Variants in CEP112 observed in about 807,000 individuals in gnomAD.
CEP112 encodes the protein centrosomal protein of 112 kDa.
Under a neutral mutation model 153.0 loss-of-function variants are expected in CEP112, and 127 were observed. The observed-to-expected ratio is 0.83, with a 90% CI of 0.72 to 0.96. The LOEUF is 0.96. Ranked by LOEUF, CEP112 falls within the 40% of genes least tolerant of loss-of-function variation. The probability of loss-of-function intolerance (pLI) is 0.00; values close to 1 mark genes in which losing one functional copy is unlikely to be tolerated. For missense variants in CEP112, 1,089 were observed against 1,101.2 expected (o/e 0.99, Z 0.16); for synonymous variants, 358 against 374.4 (o/e 0.96, Z 0.51).
intron 24 of CEP112, among the ~76,000 whole-genome samples, chr17:65,660,439 TTCTC>T (rs1225646860): frequency 7.3e-5 from 8 of 109,584 alleles, no homozygotes; most frequent in East Asian, 3.3e-4. Flanking sequence ...CTTTCTTTCT[TTCTC>T]TCTCTCTCTT....
intron 16 of CEP112, 133 bp downstream of exon 16, chr17:66,027,368 C>A (rs1046674941): frequency 1.2e-6 from 1 of 838,286 alleles, no homozygotes; most frequent in Non-Finnish European, 1.6e-6. Flanking sequence ...CAGAGCAAGA[C>A]TCTGTCTAAA....
intron 1 of CEP112, 71 bp from the exon 2 acceptor site, chr17:66,183,378 T>C: frequency 7.5e-6 from 8 of 1,061,426 alleles, no homozygotes; most frequent in East Asian, 2.5e-5. Flanking sequence ...ATGAGAAAGA[T>C]AAAAAAAACT....
intron 4 of CEP112, among the ~76,000 whole-genome samples, chr17:66,133,020 C>T (rs2070264881): frequency 6.6e-6 from 1 of 150,576 alleles, no homozygotes; most frequent in Non-Finnish European, 1.5e-5. Context: ...GCCTGGGAGA[C>T]AGTGCGAGAC....
chr17:66,066,551 A>G (rs1002032805), intron 10 of CEP112, among the ~76,000 whole-genome samples: 4 of 141,310 alleles, frequency 2.8e-5, no homozygotes, highest in Admixed American at 1.5e-4. Context: ...GTACTACTCC[A>G]TCACTGTCAC....
intron 20 of CEP112, among the ~76,000 whole-genome samples, chr17:65,893,910 G>T (rs1305737958): frequency 1.3e-5 from 2 of 151,990 alleles, no homozygotes; most frequent in Non-Finnish European, 2.9e-5. Flanking sequence ...CCAGCTCTTT[G>T]AACATTTGAT....
intron 24 of CEP112, among the ~76,000 whole-genome samples, chr17:65,667,159 A>G (rs1453088461): frequency 6.6e-6 from 1 of 152,078 alleles, no homozygotes; most frequent in African/African-American, 2.4e-5. Flanking sequence ...ATTCCCTTTT[A>G]TAAAGTGAGG....
chr17:66,051,693 C>A (rs2066449745), intron 12 of CEP112, among the ~76,000 whole-genome samples: 1 of 152,288 alleles, frequency 6.6e-6, no homozygotes. Flanking sequence ...GCCTGCGTAA[C>A]AACTCTTGTT....
chr17:65,728,349 TAAGAG>T (rs1040746423), intron 23 of CEP112, among the ~76,000 whole-genome samples: 22 of 152,294 alleles, frequency 1.4e-4, no homozygotes, highest in African/African-American at 5.3e-4. Context: ...AAAGGGACTT[TAAGAG>T]AATAGATGGA....
Position 66,175,212 on chromosome 17 carries a change from A to G in CEP112, c.302T>C (p.Ile101Thr). ...TLKILPSYMS[I>T]YFDEPNPARA... ...TGCTGGATTTGGTTCATCAAAATAG[A>G]TGGACTGATTTTTTAAAATTAGAAA... Residue 101 changes from isoleucine to threonine, a missense_variant, in exon 4 of 27, where the codon ATC (isoleucine) becomes ACC (threonine). Ile to Thr is a moderately conservative substitution (Grantham distance 89, BLOSUM62 -1). Transcript: ENST00000535342. The G allele has an allele frequency of 6.5e-7, 1 of 1,547,562 alleles. No homozygotes were observed. The highest frequency in any genetic ancestry group is 2.3e-5 in the East Asian group (1 of 42,698).
chr17:65,886,925 T>C (rs569650479), intron 20 of CEP112, among the ~76,000 whole-genome samples: 3 of 152,304 alleles, frequency 2.0e-5, no homozygotes, highest in Middle Eastern at 3.4e-3. Context: ...TGGAATACTA[T>C]GTGCAAAATG....
At chr17:65,845,182 G>T (rs1401021202) in intron 21 of CEP112, among the ~76,000 whole-genome samples, 1 of 152,160 alleles carries the variant, frequency 6.6e-6, no homozygotes, top group Non-Finnish European at 1.5e-5. Flanking sequence ...GCCAGGCATG[G>T]TGGCACAATG....
At chr17:66,048,205 C>A (rs1443307) in intron 12 of CEP112, among the ~76,000 whole-genome samples, 86,541 of 151,740 alleles carry the variant, frequency 0.57, 25,818 homozygotes, top group African/African-American at 0.67. Flanking sequence ...AGGAAAGGGC[C>A]CAGAATGGCC....
chr17:66,114,329 G>GT (rs1018050666), intron 6 of CEP112, among the ~76,000 whole-genome samples: 5 of 152,094 alleles, frequency 3.3e-5, no homozygotes, highest in African/African-American at 1.2e-4. Flanking sequence ...CTGTCCACTT[G>GT]TTTTTTAAAA....
chr17:66,016,670 T>A (rs949330541), intron 16 of CEP112, among the ~76,000 whole-genome samples: 2 of 152,150 alleles, frequency 1.3e-5, no homozygotes, highest in Non-Finnish European at 2.9e-5. Context: ...TGCTGACAAG[T>A]CAATAAGTAT....
chr17:65,982,914 GTAGATGAACC>G (rs2063279607), intron 17 of CEP112, among the ~76,000 whole-genome samples: 1 of 152,192 alleles, frequency 6.6e-6, no homozygotes, highest in Non-Finnish European at 1.5e-5. Context: ...TTGCTGCACT[GTAGATGAACC>G]TAGAAAACAT....
chr17:65,915,383 G>A (rs560567736), intron 19 of CEP112, among the ~76,000 whole-genome samples: 122 of 146,012 alleles, frequency 8.4e-4, no homozygotes, highest in Non-Finnish European at 1.6e-3. Flanking sequence ...GTCCCAGCCC[G>A]GTAACCTCTA....
intron 20 of CEP112, among the ~76,000 whole-genome samples, chr17:65,852,955 T>C (rs1487960862): frequency 6.6e-6 from 1 of 152,212 alleles, no homozygotes; most frequent in African/African-American, 2.4e-5. Context: ...TATGTGGTAT[T>C]TTCATTATCG....
intron 17 of CEP112, among the ~76,000 whole-genome samples, chr17:65,984,577 G>C (rs1188075823): frequency 6.6e-6 from 1 of 152,054 alleles, no homozygotes; most frequent in Admixed American, 6.6e-5. Flanking sequence ...AAAGATAAGA[G>C]TAAGCTACAG....
rs1220822997 is a variant in CEP112 at position 66,191,236 on chromosome 17, C to T, written c.-9+761G>A. Reference sequence around the variant, plus strand: ...CAGTGACAGCTGGGCCTGAACACTGCACAAATTATTAATACCATGCATTCC... The same window carrying T: ...CAGTGACAGCTGGGCCTGAACACTGTACAAATTATTAATACCATGCATTCC... On this transcript the variant is annotated intron_variant, in intron 1 of 26. Transcript: ENST00000535342. The surrounding 1 kb of genome is among the most constrained non-coding windows in gnomAD (Gnocchi z 4.2). 6.6e-6 allele frequency among the ~76,000 whole-genome samples: 1 copy of T among 152,176 alleles called. No individual in the cohort carries two copies. Among genetic ancestry groups the T allele is most frequent in the Non-Finnish European group, 1.5e-5 (1 of 68,036 alleles).
Sources: allele counts gnomAD v4.1 joint callset (sites outside exome capture counted in the v4.1 genomes callset), GRCh38; gene constraint gnomAD v4.1.1; non-coding constraint Gnocchi (gnomAD v3.1); transcripts MANE v1.5; gene names NCBI Gene and HGNC (gene_info 2026-07-23, HGNC 2026-07-21).